SYN3: variants seen among roughly 807,000 people sequenced by gnomAD.
SYN3 encodes synapsin-3.
SYN3 carries 35 observed loss-of-function variants against 65.8 expected under a neutral mutation model. That is an observed-to-expected ratio of 0.53 (90% CI 0.41 to 0.70). The LOEUF (loss-of-function observed/expected upper bound fraction) is 0.70. Among genes scored for constraint, SYN3 ranks in the 30% least tolerant of loss-of-function variants. The pLI is 0.00. For missense variants in SYN3, 680 were observed against 749.0 expected (o/e 0.91, Z 1.08); for synonymous variants, 270 against 292.9 (o/e 0.92, Z 0.80).
intron 6 of SYN3, among the ~76,000 whole-genome samples, chr22:32,613,636 T>C (rs1240894277): frequency 6.6e-6 from 1 of 152,236 alleles, no homozygotes; most frequent in Non-Finnish European, 1.5e-5. Context: ...TAAGGATTCG[T>C]TGATGGGATT....
At chr22:32,749,442 C>T (rs1019142646) in intron 6 of SYN3, among the ~76,000 whole-genome samples, 1 of 152,016 alleles carries the variant, frequency 6.6e-6, no homozygotes, top group African/African-American at 2.4e-5. Flanking sequence ...GAGTTCAAGA[C>T]CAGCCTGGCC....
chr22:32,654,874 C>G (rs1310689903), intron 6 of SYN3, among the ~76,000 whole-genome samples: 1 of 152,248 alleles, frequency 6.6e-6, no homozygotes, highest in African/African-American at 2.4e-5. Flanking sequence ...TTACCATGTT[C>G]TATGTCCTTT....
chr22:32,775,225 G>C (rs894189276), intron 6 of SYN3, among the ~76,000 whole-genome samples: 1 of 152,142 alleles, frequency 6.6e-6, no homozygotes, highest in African/African-American at 2.4e-5. Flanking sequence ...AAGTTCTCTA[G>C]AGTTTCTTCT....
chr22:32,723,245 G>A (rs144870027), intron 6 of SYN3, among the ~76,000 whole-genome samples: 5 of 152,208 alleles, frequency 3.3e-5, no homozygotes, highest in Admixed American at 6.5e-5. Context: ...TGAAGGTAAC[G>A]TGAGCATGGG....
chr22:32,916,293 C>T (rs2050184176), intron 4 of SYN3, among the ~76,000 whole-genome samples: 1 of 152,186 alleles, frequency 6.6e-6, no homozygotes, highest in Admixed American at 6.5e-5. Flanking sequence ...TCCTGGCCCA[C>T]AGATTGAAAG....
intron 4 of SYN3, among the ~76,000 whole-genome samples, chr22:32,904,277 T>C (rs912450691): frequency 6.6e-6 from 1 of 152,224 alleles, no homozygotes; most frequent in African/African-American, 2.4e-5. Flanking sequence ...CTAGTGATAC[T>C]GCAATATGGC....
intron 6 of SYN3, among the ~76,000 whole-genome samples, chr22:32,827,129 G>A (rs1461491378): frequency 6.6e-6 from 1 of 152,188 alleles, no homozygotes; most frequent in East Asian, 1.9e-4. Flanking sequence ...AGCCTCTCCT[G>A]CTGTTTCCTT....
intron 2 of SYN3, among the ~76,000 whole-genome samples, chr22:32,987,651 C>G (rs976754529): frequency 6.6e-6 from 1 of 152,112 alleles, no homozygotes; most frequent in Non-Finnish European, 1.5e-5. Flanking sequence ...AACAGGGCCC[C>G]GAGCCACAGG....
rs577079346 is a variant in SYN3 at position 32,826,778 on chromosome 22, G to A, written c.711+38137C>T. 2.0e-5 allele frequency among the ~76,000 whole-genome samples: 3 copies of A among 152,290 alleles called. No individual in the cohort carries two copies. The East Asian group carries it at 5.8e-4, about 29-fold the overall frequency. On this transcript the variant is annotated intron_variant, in intron 6 of 13. Transcript: ENST00000358763. Reference sequence around the variant, plus strand: ...CAGGGCGTCCACTATCCAGTCCCAAGCCTGCCACTCAGGAGTTCATGGGGG... The same window carrying A: ...CAGGGCGTCCACTATCCAGTCCCAAACCTGCCACTCAGGAGTTCATGGGGG...
Position 32,802,008 on chromosome 22 carries a change from C to T in SYN3, c.711+62907G>A, listed in dbSNP as rs777890618. The T allele has an allele frequency of 1.6e-5, 26 of 1,583,628 alleles. No individual in the cohort carries two copies. Among genetic ancestry groups the T allele is most frequent in the Admixed American group, 5.3e-5 (3 of 56,876 alleles). On this transcript the variant is annotated intron_variant, in intron 6 of 13. Coordinates refer to ENST00000358763, the MANE Select transcript of SYN3 (RefSeq NM_003490.4). ...AGCGGCGGCAGCAGCGGCAATGACC[C>T]CTTGGCTCGGGCTCATCGTGCTCCT...
intron 6 of SYN3, among the ~76,000 whole-genome samples, chr22:32,833,061 C>T (rs976582417): frequency 3.9e-5 from 6 of 152,164 alleles, no homozygotes; most frequent in African/African-American, 1.4e-4. Flanking sequence ...CATTTTTTAA[C>T]ACTAGAAGTA....
intron 6 of SYN3, among the ~76,000 whole-genome samples, chr22:32,689,220 C>A (rs934432664): frequency 6.6e-6 from 1 of 152,188 alleles, no homozygotes; most frequent in Non-Finnish European, 1.5e-5. Flanking sequence ...CTACAGCAGT[C>A]TATGCCCTCG....
chr22:32,945,227 C>T (rs987487979), intron 3 of SYN3, among the ~76,000 whole-genome samples: 2 of 152,182 alleles, frequency 1.3e-5, no homozygotes, highest in Non-Finnish European at 2.9e-5. Context: ...AGAGCCCACA[C>T]TGCCAAGACA....
intron 6 of SYN3, among the ~76,000 whole-genome samples, chr22:32,805,821 G>T (rs769300257): frequency 1.5e-4 from 23 of 152,066 alleles, no homozygotes; most frequent in Non-Finnish European, 1.6e-4. Context: ...AGGTGACCAG[G>T]AGATGGAATG....
chr22:32,703,325 G>A (rs2060834382), intron 6 of SYN3, among the ~76,000 whole-genome samples: 1 of 152,148 alleles, frequency 6.6e-6, no homozygotes, highest in Non-Finnish European at 1.5e-5. Flanking sequence ...GTACATTTCT[G>A]ACCCAATGGA....
At position 32,945,926 on chromosome 22, in the gene SYN3, C is replaced by A. The variant is rs879209415; in HGVS notation, c.370-14445G>T. ...CAAAAGAAGACATTTATGCAGCCAA[C>A]AGACACATGAAAAAATGCTCACCAT... On this transcript the variant is annotated intron_variant, in intron 3 of 13. Coordinates refer to ENST00000358763, the MANE Select transcript of SYN3 (RefSeq NM_003490.4). Among the ~76,000 whole-genome samples, 7 of 152,162 alleles carry A rather than the reference C, an allele frequency of 4.6e-5. 1 individual carries two copies. Among genetic ancestry groups the A allele is most frequent in the Admixed American group, 4.6e-4 (7 of 15,278 alleles).
At chr22:32,994,148 G>A (rs1045899149) in intron 2 of SYN3, among the ~76,000 whole-genome samples, 5 of 152,134 alleles carry the variant, frequency 3.3e-5, no homozygotes, top group African/African-American at 1.2e-4. Context: ...AAAGGGCTCG[G>A]GGCTTGGGTG....
chr22:32,779,800 G>A (rs2001050), intron 6 of SYN3, among the ~76,000 whole-genome samples: 83,872 of 151,750 alleles, frequency 0.55, 23,478 homozygotes, highest in African/African-American at 0.65. Flanking sequence ...CCTTGCTAGC[G>A]ACTCCTCCAC....
At chr22:32,928,851 C>G (rs576418570) in intron 4 of SYN3, among the ~76,000 whole-genome samples, 3 of 152,316 alleles carry the variant, frequency 2.0e-5, no homozygotes, top group African/African-American at 7.2e-5. Flanking sequence ...CTTTTTCTCT[C>G]TGTGCTTCCT....
Sources: allele counts gnomAD v4.1 joint callset (sites outside exome capture counted in the v4.1 genomes callset), GRCh38; gene constraint gnomAD v4.1.1; transcripts MANE v1.5; gene names NCBI Gene and HGNC (gene_info 2026-07-23, HGNC 2026-07-21).